DNAI1: variants seen among roughly 807,000 people sequenced by gnomAD.
DNAI1 encodes the protein dynein axonemal intermediate chain 1.
In DNAI1, 67 loss-of-function variants were observed where a neutral mutation model predicts 92.0. That is an observed-to-expected ratio of 0.73 (90% CI 0.60 to 0.89). The LOEUF (loss-of-function observed/expected upper bound fraction) is 0.89. Ranked by LOEUF, DNAI1 falls within the 40% of genes least tolerant of loss-of-function variation. The pLI is 0.00. For missense variants in DNAI1, 839 were observed against 866.6 expected, an observed-to-expected ratio of 0.97 and a Z score of 0.40; for synonymous variants, 323 against 319.6, an observed-to-expected ratio of 1.01 and a Z score of -0.11.
chr9:34,500,951 G>A (rs1410424506), intron 11 of DNAI1, 112 bp downstream of exon 11: 7 of 1,034,410 alleles, frequency 6.8e-6, no homozygotes, highest in Non-Finnish European at 1.1e-5. Flanking sequence ...TGACAGTATA[G>A]AAAAATATGG....
chr9:34,465,991 A>T (rs958241682), intron 1 of DNAI1, among the ~76,000 whole-genome samples: 9 of 152,190 alleles, frequency 5.9e-5, no homozygotes, highest in African/African-American at 2.2e-4. Context: ...TCCTCCATTT[A>T]TCTCACCTCC....
chr9:34,479,766 T>C (rs1416912833), intron 1 of DNAI1, among the ~76,000 whole-genome samples: 1 of 151,584 alleles, frequency 6.6e-6, no homozygotes, highest in Non-Finnish European at 1.5e-5. Context: ...CAGAGAAGGG[T>C]TCCCATCATT....
Position 34,505,822 on chromosome 9 carries a change from C to G in DNAI1, c.1064-805C>G, listed in dbSNP as rs1428434068. ...GGTAGGGGCTGCACTAGCCTTCCACCTCTCCAGCTTCGGCTCCCCTGAGCT... is the reference window on the plus strand; with the variant it reads ...GGTAGGGGCTGCACTAGCCTTCCACGTCTCCAGCTTCGGCTCCCCTGAGCT... On this transcript the variant is annotated intron_variant, in intron 12 of 19. Transcript: ENST00000242317. Among the ~76,000 whole-genome samples, 3 of 152,230 alleles carry G rather than the reference C, an allele frequency of 2.0e-5. No individual in the cohort carries two copies. The East Asian group carries it at 5.8e-4, about 29-fold the overall frequency.
intron 1 of DNAI1, among the ~76,000 whole-genome samples, chr9:34,474,301 C>G (rs1170232100): frequency 6.6e-6 from 1 of 151,760 alleles, no homozygotes; most frequent in Non-Finnish European, 1.5e-5. Context: ...GTGGCTCAGT[C>G]TCAGCTTACT....
intron 1 of DNAI1, among the ~76,000 whole-genome samples, chr9:34,480,291 T>C (rs1397507630): frequency 2.3e-5 from 3 of 132,848 alleles, no homozygotes; most frequent in Non-Finnish European, 3.2e-5. Flanking sequence ...TTTTTTTTTT[T>C]TTTTTGAGAT....
chr9:34,487,159 A>G (rs572578269), intron 4 of DNAI1, among the ~76,000 whole-genome samples: 1 of 152,206 alleles, frequency 6.6e-6, no homozygotes, highest in East Asian at 1.9e-4. Flanking sequence ...CACTACACAA[A>G]GAGGCTGAAA....
At chr9:34,515,711 G>A (rs146354986) in intron 18 of DNAI1, among the ~76,000 whole-genome samples, 11 of 152,262 alleles carry the variant, frequency 7.2e-5, no homozygotes, top group African/African-American at 2.4e-4. Flanking sequence ...CATGCTTAGC[G>A]TAAAAAGCCA....
chr9:34,509,748 G>A (rs4879801), intron 13 of DNAI1, among the ~76,000 whole-genome samples: 67,440 of 151,718 alleles, frequency 0.44, 15,815 homozygotes, highest in African/African-American at 0.59. Flanking sequence ...ATAGAAGGAA[G>A]TGATTGATCA....
chr9:34,497,515 A>T (rs1226819336), intron 10 of DNAI1, among the ~76,000 whole-genome samples: 1 of 152,228 alleles, frequency 6.6e-6, no homozygotes, highest in Non-Finnish European at 1.5e-5. Flanking sequence ...TACTGTACAC[A>T]TGAGGAAGCT....
intron 4 of DNAI1, chr9:34,488,576 C>T (rs1824520151): frequency 6.5e-6 from 1 of 153,256 alleles, no homozygotes. Context: ...GAAGAGATCT[C>T]CGGTCTCTAA....
chr9:34,460,835 ATTATTTTATT>A (rs901360913), intron 1 of DNAI1, among the ~76,000 whole-genome samples: 1 of 149,044 alleles, frequency 6.7e-6, no homozygotes, highest in Non-Finnish European at 1.5e-5. Flanking sequence ...ATTTTTTTTT[ATTATTTTATT>A]TTATTTTATT....
At chr9:34,463,514 A>G (rs1344821540) in intron 1 of DNAI1, among the ~76,000 whole-genome samples, 1 of 152,218 alleles carries the variant, frequency 6.6e-6, no homozygotes, top group African/African-American at 2.4e-5. Context: ...GCATGTATAC[A>G]TGTACAGGAG....
chr9:34,520,853 C>T lies in DNAI1; in HGVS notation c.*97C>T, dbSNP rs758470922. ...AGCCTTAGCACCCAGCATGTGACCC[C>T]ACTCCTGATCAGGTCCCAGCATCTT... is the stretch of plus-strand genomic sequence containing the variant. On this transcript the variant is annotated 3_prime_UTR_variant, in exon 20 of 20. Transcript: ENST00000242317. The T allele has an allele frequency of 4.4e-6, 5 of 1,142,832 alleles. No individual in the cohort carries two copies. The Admixed American group carries it at 5.9e-5, about 14-fold the overall frequency. The allele number at this position is 1,142,832 out of a possible 1,614,324, so 70.8% of individuals were successfully genotyped here.
chr9:34,486,292 C>T (rs1287949327), intron 4 of DNAI1, among the ~76,000 whole-genome samples: 23 of 152,216 alleles, frequency 1.5e-4, no homozygotes, highest in Admixed American at 1.3e-3. Flanking sequence ...ATATAATCCT[C>T]CCCTTTCTTT....
chr9:34,479,493 C>A (rs1824300224), intron 1 of DNAI1, among the ~76,000 whole-genome samples: 1 of 152,160 alleles, frequency 6.6e-6, no homozygotes, highest in Non-Finnish European at 1.5e-5. Context: ...TGAAATATTT[C>A]CAACTGCCAA....
At position 34,490,308 on chromosome 9, in the gene DNAI1, C is replaced by G. The variant is rs1022801369; in HGVS notation, c.502-61C>G. On this transcript the variant is annotated intron_variant, in intron 6 of 19. Transcript: ENST00000242317. ...TATCCTAGGACAGGGCTTGCCCCAT[C>G]TCCCGGTTTTCTACCACCTTCTCAC... 2.4e-5 allele frequency: 39 copies of G among 1,613,812 alleles called. No homozygotes were observed. In the Admixed American group the frequency reaches 4.7e-4, roughly 19 times the overall value.
chr9:34,487,090 G>A (rs761584999), intron 4 of DNAI1, among the ~76,000 whole-genome samples: 2 of 152,152 alleles, frequency 1.3e-5, no homozygotes, highest in Non-Finnish European at 2.9e-5. Flanking sequence ...ATTTGTGTGC[G>A]AGTGTTTGTG....
intron 2 of DNAI1, among the ~76,000 whole-genome samples, chr9:34,484,486 A>G (rs1824433545): frequency 6.6e-6 from 1 of 152,198 alleles, no homozygotes; most frequent in African/African-American, 2.4e-5. Context: ...TAGTTTGCCA[A>G]TTTTATAGTG....
intron 12 of DNAI1, 133 bp downstream of exon 12, chr9:34,501,314 G>A: frequency 1.3e-6 from 1 of 788,074 alleles, no homozygotes; most frequent in African/African-American, 1.7e-5. Flanking sequence ...GTCTAATGGG[G>A]AAGACCCACA....
Sources: allele counts gnomAD v4.1 joint callset (sites outside exome capture counted in the v4.1 genomes callset), GRCh38; gene constraint gnomAD v4.1.1; transcripts MANE v1.5; gene names NCBI Gene and HGNC (gene_info 2026-07-23, HGNC 2026-07-21).